The following PAWR variants were observed in gnomAD, a reference collection of about 807,000 sequenced individuals.
The protein encoded by PAWR is PRKC apoptosis WT1 regulator protein.
Under a neutral mutation model 32.0 loss-of-function variants are expected in PAWR, and 23 were observed. The observed-to-expected ratio is 0.72, with a 90% CI of 0.52 to 1.02. The LOEUF is 1.02. PAWR is among the 50% of genes least tolerant of loss of function. The pLI is 0.00. For synonymous variants in PAWR, 226 were observed against 187.1 expected (o/e 1.21, Z -1.70); for missense variants, 457 against 437.7 (o/e 1.04, Z -0.39).
At chr12:79,632,883 C>T (rs1875776728) in intron 2 of PAWR, among the ~76,000 whole-genome samples, 1 of 152,020 alleles carries the variant, frequency 6.6e-6, no homozygotes, top group African/African-American at 2.4e-5. Flanking sequence ...GCTGTAATCC[C>T]GGCACTTTGG....
chr12:79,632,292 TATACATATATATATACATAC>T lies in PAWR; in HGVS notation c.517-11105_517-11086del, dbSNP rs1444681049. The T allele has an allele frequency of 2.8e-3, 155 of 55,788 alleles. 16 individuals carry two copies. Among genetic ancestry groups the T allele is most frequent in the African/African-American group, 0.025 (100 of 3,986 alleles). 3.5% of individuals were successfully genotyped at this position (55,788 alleles called of 1,614,324 possible). Reference sequence around the variant, plus strand: ...GCACTAGAGTCCAGAAATAGAAATATATACATATATATATACATACATATATATATATATATATATATATA... The same window carrying T: ...GCACTAGAGTCCAGAAATAGAAATATATATATATATATATATATATATATA... On this transcript the variant is annotated intron_variant, in intron 2 of 6. Coordinates refer to ENST00000328827, the MANE Select transcript of PAWR (RefSeq NM_002583.4).
chr12:79,624,783 A>G (rs1339543208), intron 2 of PAWR, among the ~76,000 whole-genome samples: 2 of 152,216 alleles, frequency 1.3e-5, no homozygotes, highest in Admixed American at 6.5e-5. Context: ...CTTCAGCTGC[A>G]TAATAATTTT....
At chr12:79,630,993 G>A (rs376513649) in intron 2 of PAWR, among the ~76,000 whole-genome samples, 1 of 151,968 alleles carries the variant, frequency 6.6e-6, no homozygotes, top group African/African-American at 2.4e-5. Flanking sequence ...ACCAAAATGG[G>A]GTCTATCCCA....
chr12:79,589,657 C>T lies in PAWR; in HGVS notation c.*2950G>A, dbSNP rs899215239. On this transcript the variant is annotated 3_prime_UTR_variant, in exon 7 of 7. Transcript: ENST00000328827. ...AACTGTTGTATAATAAAATTGTCAA[C>T]AACTCTAGAAAGATGAAATAAAGAT... 4.6e-5 allele frequency: 7 copies of T among 152,072 alleles called. No individual in the cohort carries two copies. Among genetic ancestry groups the T allele is most frequent in the African/African-American group, 1.7e-4 (7 of 41,424 alleles). 9.4% of individuals were successfully genotyped at this position (152,072 alleles called of 1,614,324 possible).
chr12:79,627,864 C>A (rs1303382130), intron 2 of PAWR, among the ~76,000 whole-genome samples: 1 of 152,160 alleles, frequency 6.6e-6, no homozygotes, highest in Non-Finnish European at 1.5e-5. Flanking sequence ...TAATGGGAGA[C>A]TTTAACACCC....
intron 3 of PAWR, among the ~76,000 whole-genome samples, chr12:79,616,839 C>T (rs572350551): frequency 5.3e-5 from 8 of 152,022 alleles, no homozygotes; most frequent in Admixed American, 1.3e-4. Context: ...TACGTTGGTA[C>T]GAAAAGTAAT....
chr12:79,598,983 C>T (rs1434150753), intron 4 of PAWR, among the ~76,000 whole-genome samples: 2 of 152,216 alleles, frequency 1.3e-5, no homozygotes, highest in Non-Finnish European at 2.9e-5. Context: ...GATCCACCTG[C>T]CCCGGCCTCC....
Position 79,639,811 on chromosome 12 carries a change from A to ATTCCTTTTCCTT in PAWR, c.517-18616_517-18605dup, listed in dbSNP as rs369339392. On this transcript the variant is annotated intron_variant, in intron 2 of 6. Transcript: ENST00000328827. ...AGTAAATGAATGAGATTTCCATTCC[A>ATTCCTTTTCCTT]TTCCTTTTCCTTTTCCTTTTCCATT... Among the ~76,000 whole-genome samples the ATTCCTTTTCCTT allele has an allele frequency of 1.1e-3, 144 of 133,720 alleles. 2 individuals are homozygous for ATTCCTTTTCCTT. The highest frequency in any genetic ancestry group is 5.4e-3 in the African/African-American group (141 of 25,964). The allele number at this position is 133,720 out of a possible 152,430, so 87.7% of individuals were successfully genotyped here.
intron 4 of PAWR, among the ~76,000 whole-genome samples, chr12:79,602,930 A>C (rs1592493365): frequency 6.6e-6 from 1 of 152,108 alleles, no homozygotes. Context: ...AAACGAAAAG[A>C]GAATAAAGTC....
Position 79,585,148 on chromosome 12 carries a change from G to A in PAWR, c.*7459C>T, listed in dbSNP as rs568104204. ...GCAACATAACCAACAAAGATCAGGA[G>A]CTTAAAACAAAACAAAACAAAAACA... On this transcript the variant is annotated 3_prime_UTR_variant, in exon 7 of 7. Coordinates refer to ENST00000328827, the MANE Select transcript of PAWR (RefSeq NM_002583.4). 7 of 453,428 alleles carry A rather than the reference G, an allele frequency of 1.5e-5. No individual in the cohort carries two copies. The highest frequency in any genetic ancestry group is 1.4e-4 in the African/African-American group (7 of 50,032). The allele number at this position is 453,428 out of a possible 1,614,324, so 28.1% of individuals were successfully genotyped here.
intron 2 of PAWR, among the ~76,000 whole-genome samples, chr12:79,622,222 G>C (rs762600487): frequency 1.9e-4 from 29 of 152,236 alleles, no homozygotes; most frequent in Non-Finnish European, 7.4e-5. Context: ...GGAACATACT[G>C]AAAGGGGTAC....
chr12:79,605,151 T>C (rs1874122786), intron 4 of PAWR, among the ~76,000 whole-genome samples: 3 of 152,182 alleles, frequency 2.0e-5, no homozygotes, highest in Admixed American at 6.5e-5. Flanking sequence ...TATTTTTCTA[T>C]AGCATCATTT....
chr12:79,611,635 A>G (rs1874445868), intron 4 of PAWR, among the ~76,000 whole-genome samples: 1 of 151,914 alleles, frequency 6.6e-6, no homozygotes, highest in South Asian at 2.1e-4. Flanking sequence ...TTCTCTTTTT[A>G]GATGGCATTA....
At chr12:79,639,827 CTTTTCCATTCCT>C (rs1169372432) in intron 2 of PAWR, among the ~76,000 whole-genome samples, 2 of 137,636 alleles carry the variant, frequency 1.5e-5, no homozygotes, top group Admixed American at 7.0e-5. Flanking sequence ...TTTCCTTTTC[CTTTTCCATTCCT>C]ATTCCTATTC....
At chr12:79,642,499 G>C (rs761347246) in intron 2 of PAWR, among the ~76,000 whole-genome samples, 4 of 152,162 alleles carry the variant, frequency 2.6e-5, no homozygotes, top group Non-Finnish European at 4.4e-5. Flanking sequence ...CTGCTGGCAG[G>C]TTTGATCTTT....
chr12:79,680,181 T>C (rs777831526), intron 2 of PAWR, among the ~76,000 whole-genome samples: 2 of 152,230 alleles, frequency 1.3e-5, no homozygotes, highest in African/African-American at 2.4e-5. Context: ...TGTTTGCTTA[T>C]GTTCAAATGC....
chr12:79,599,660 A>C (rs1427905736), intron 4 of PAWR, among the ~76,000 whole-genome samples: 1 of 152,250 alleles, frequency 6.6e-6, no homozygotes, highest in Non-Finnish European at 1.5e-5. Context: ...AATTGTAACA[A>C]AAATTCCTTT....
chr12:79,631,284 C>A (rs543841446), intron 2 of PAWR, among the ~76,000 whole-genome samples: 4 of 152,272 alleles, frequency 2.6e-5, no homozygotes, highest in South Asian at 2.1e-4. Context: ...CTCACCACTT[C>A]TATTCAGTAT....
At chr12:79,632,361 A>ATTTTTTTTTTTT (rs755937992) in intron 2 of PAWR, among the ~76,000 whole-genome samples, 5 of 20,600 alleles carry the variant, frequency 2.4e-4, no homozygotes, top group African/African-American at 8.9e-4. Context: ...ATATATATAT[A>ATTTTTTTTTTTT]TTTTTTTTTT....
Sources: allele counts gnomAD v4.1 joint callset (sites outside exome capture counted in the v4.1 genomes callset), GRCh38; gene constraint gnomAD v4.1.1; transcripts MANE v1.5; gene names NCBI Gene and HGNC (gene_info 2026-07-23, HGNC 2026-07-21).